The following KIF15 variants were observed in gnomAD, a reference collection of about 807,000 sequenced individuals.
The protein encoded by KIF15 is kinesin-like protein KIF15.
KIF15 carries 140 observed loss-of-function variants against 190.6 expected under a neutral mutation model. The observed-to-expected ratio is 0.73, with a 90% CI of 0.64 to 0.84. The LOEUF (loss-of-function observed/expected upper bound fraction) is 0.84, where lower values mean the gene tolerates loss of function less well. KIF15 is among the 40% of genes least tolerant of loss of function. The probability of loss-of-function intolerance (pLI) is 0.00; values close to 1 mark genes in which losing one functional copy is unlikely to be tolerated. For synonymous variants in KIF15, 528 were observed against 551.3 expected, an observed-to-expected ratio of 0.96 and a Z score of 0.59; for missense variants, 1,372 against 1,584.4, an observed-to-expected ratio of 0.87 and a Z score of 2.28.
chr3:44,828,078 C>G (rs1259055831), intron 23 of KIF15, 136 bp from the exon 24 acceptor site: 2 of 593,422 alleles, frequency 3.4e-6, no homozygotes, highest in African/African-American at 3.8e-5. Context: ...GTCTTTCAAC[C>G]CAATTTATCA....
At chr3:44,818,052 T>C (rs1292070112) in intron 20 of KIF15, among the ~76,000 whole-genome samples, 2 of 152,222 alleles carry the variant, frequency 1.3e-5, no homozygotes, top group Non-Finnish European at 2.9e-5. Context: ...TTGTCTGTTA[T>C]TGGTACATAG....
rs1706405863 is a variant in KIF15 at position 44,786,373 on chromosome 3, AAATG to A, written c.460-20_460-17del. ...ATGAACACATGAAAATAATGTATCT[AAATG>A]AGGCTTCTTTTTTACAGGCTGGAGC... On this transcript the variant is annotated intron_variant, in intron 6 of 34. Transcript: ENST00000326047. 3 of 1,584,952 alleles carry A rather than the reference AAATG, an allele frequency of 1.9e-6. No homozygotes were observed. The highest frequency in any genetic ancestry group is 1.8e-5 in the Admixed American group (1 of 56,498).
chr3:44,864,195 A>C (rs767652475), intron 6 of KIF15: 1 of 1,613,892 alleles, frequency 6.2e-7, no homozygotes, highest in South Asian at 1.1e-5. Context: ...TTTCTCCTGC[A>C]GGTGAGCATG....
At chr3:44,786,044 G>A (rs763714585) in intron 6 of KIF15, among the ~76,000 whole-genome samples, 6 of 152,178 alleles carry the variant, frequency 3.9e-5, no homozygotes, top group East Asian at 1.9e-4. Flanking sequence ...GTGAAACCCC[G>A]TCTCTACTAA....
chr3:44,811,090 A>T, intron 17 of KIF15, 47 bp downstream of exon 17: 1 of 1,380,738 alleles, frequency 7.2e-7, no homozygotes, highest in East Asian at 2.3e-5. Flanking sequence ...ATCCATTTAA[A>T]TACATTTGCT....
At chr3:44,848,336 T>C (rs1198261944) in intron 31 of KIF15, among the ~76,000 whole-genome samples, 185 bp from the exon 32 acceptor site, 2 of 152,238 alleles carry the variant, frequency 1.3e-5, no homozygotes, top group South Asian at 2.1e-4. Context: ...TTAGAGGGCA[T>C]AGTGCATGAA....
intron 6 of KIF15, among the ~76,000 whole-genome samples, chr3:44,861,566 G>A (rs1699245720): frequency 6.6e-6 from 1 of 151,984 alleles, no homozygotes; most frequent in Admixed American, 6.5e-5. Context: ...GGCCGGCGCG[G>A]GGCCCGTTAG....
intron 1 of KIF15, among the ~76,000 whole-genome samples, chr3:44,772,240 G>A (rs992269056): frequency 6.6e-6 from 1 of 152,174 alleles, no homozygotes; most frequent in South Asian, 2.1e-4. Flanking sequence ...AAAGCATGTA[G>A]TTTCTAGGGC....
chr3:44,821,835 T>C (rs146475370), intron 20 of KIF15, among the ~76,000 whole-genome samples: 142 of 152,296 alleles, frequency 9.3e-4, no homozygotes, highest in African/African-American at 3.3e-3. Flanking sequence ...CTGGGCAACA[T>C]TGAGCATTGA....
chr3:44,785,066 G>A (rs1449397265), intron 6 of KIF15, 124 bp downstream of exon 6: 18 of 521,546 alleles, frequency 3.5e-5, no homozygotes, highest in South Asian at 2.8e-4. Context: ...ATAGACTAGC[G>A]TGGCATAAAA....
At chr3:44,843,941 G>C (rs752285636) in intron 30 of KIF15, among the ~76,000 whole-genome samples, 2 of 152,180 alleles carry the variant, frequency 1.3e-5, no homozygotes, top group Non-Finnish European at 2.9e-5. Context: ...GTGTTTGGTA[G>C]CAGGTGTCAG....
intron 1 of KIF15, 84 bp from the exon 2 acceptor site, chr3:44,774,311 C>A: frequency 1.7e-6 from 2 of 1,199,514 alleles, no homozygotes; most frequent in Non-Finnish European, 2.4e-6. Flanking sequence ...CTGAATGTAG[C>A]AGGCAACCCA....
intron 7 of KIF15, among the ~76,000 whole-genome samples, chr3:44,793,065 ACTGAAT>A (rs1312530566): frequency 2.0e-5 from 3 of 152,118 alleles, no homozygotes; most frequent in Non-Finnish European, 4.4e-5. Flanking sequence ...CCCACCTCAC[ACTGAAT>A]CTGAATCTGA....
intron 27 of KIF15, 138 bp downstream of exon 27, chr3:44,838,559 A>G (rs961726124): frequency 1.3e-5 from 10 of 778,232 alleles, no homozygotes; most frequent in Non-Finnish European, 1.9e-5. Flanking sequence ...TCTGGCCAAC[A>G]TGGTGAACTG....
intron 7 of KIF15, among the ~76,000 whole-genome samples, chr3:44,793,003 C>A (rs1391905112): frequency 1.3e-5 from 2 of 152,138 alleles, no homozygotes; most frequent in Non-Finnish European, 2.9e-5. Flanking sequence ...AAATGTGGTC[C>A]TCAGAACATC....
intron 7 of KIF15, among the ~76,000 whole-genome samples, chr3:44,787,428 T>C (rs565704633): frequency 3.3e-5 from 5 of 152,352 alleles, no homozygotes; most frequent in African/African-American, 1.2e-4. Flanking sequence ...ACGTTGCATT[T>C]CATTTATTTT....
At chr3:44,841,640 C>T (rs761000055) in intron 29 of KIF15, among the ~76,000 whole-genome samples, 11 of 152,040 alleles carry the variant, frequency 7.2e-5, no homozygotes, top group African/African-American at 1.7e-4. Context: ...CCTCATGATC[C>T]GCCTACCTCA....
At chr3:44,785,068 G>T in intron 6 of KIF15, 126 bp downstream of exon 6, 1 of 507,278 alleles carries the variant, frequency 2.0e-6, no homozygotes, top group Non-Finnish European at 3.5e-6. Context: ...AGACTAGCGT[G>T]GCATAAAAAA....
intron 27 of KIF15, among the ~76,000 whole-genome samples, chr3:44,838,769 G>T (rs1316505129): frequency 2.0e-5 from 3 of 148,284 alleles, no homozygotes; most frequent in Non-Finnish European, 1.5e-5. Context: ...AAAAAAAAAT[G>T]GGGGACAGGA....
Sources: allele counts gnomAD v4.1 joint callset (sites outside exome capture counted in the v4.1 genomes callset), GRCh38; gene constraint gnomAD v4.1.1; transcripts MANE v1.5; gene names NCBI Gene and HGNC (gene_info 2026-07-23, HGNC 2026-07-21).